CBFA2T2: variants seen among roughly 807,000 people sequenced by gnomAD.
CBFA2T2 encodes protein CBFA2T2.
A neutral mutation model predicts 62.2 loss-of-function variants in CBFA2T2; 11 were observed. The observed-to-expected ratio is 0.18, with a 90% CI of 0.11 to 0.29. The LOEUF (loss-of-function observed/expected upper bound fraction) is 0.29. CBFA2T2 is among the 10% of genes least tolerant of loss of function. The pLI is 1.00. For synonymous variants in CBFA2T2, 295 were observed against 287.5 expected (o/e 1.03, Z -0.27); for missense variants, 592 against 774.1 (o/e 0.76, Z 2.79).
chr20:33,632,259 G>A (rs1178932145), intron 8 of CBFA2T2, among the ~76,000 whole-genome samples: 1 of 151,944 alleles, frequency 6.6e-6, no homozygotes, highest in East Asian at 1.9e-4. Flanking sequence ...GGCCAGGCTG[G>A]GCTCGAACTC....
intron 3 of CBFA2T2, among the ~76,000 whole-genome samples, chr20:33,613,787 G>A (rs1265951586): frequency 6.6e-6 from 1 of 152,004 alleles, no homozygotes; most frequent in African/African-American, 2.4e-5. Flanking sequence ...AAATCTTACT[G>A]GATCCAGAGT....
In CBFA2T2 at chr20:33,644,490, C is replaced by A. The variant is rs45563732; in HGVS notation, c.1632C>A (p.His544Gln). 148 of 1,613,994 alleles carry A rather than the reference C, an allele frequency of 9.2e-5. No homozygotes were observed. The highest frequency in any genetic ancestry group is 1.2e-4 in the Non-Finnish European group (141 of 1,180,036). ...CGQNLHGQSP[H>Q]GQGRPLLPVG... ...AGAACCTGCATGGCCAGAGCCCCCA[C>A]GGCCAGGGCCGGCCGCTGCTTCCTG... The change falls in exon 11 of 11, where the codon CAC (histidine) becomes CAA (glutamine). Residue 544 changes from histidine (H) to glutamine (Q), a missense_variant. Around this residue, in one of 3 missense-constraint regions of CBFA2T2, gnomAD observed 85 missense variants for 99.0 expected, o/e 0.86. Coordinates refer to ENST00000342704, the MANE Select transcript of CBFA2T2 (RefSeq NM_001032999.3).
At chr20:33,545,010 T>TAGAACAGAACAGAAC (rs199760817) in intron 1 of CBFA2T2, among the ~76,000 whole-genome samples, 22 of 114,014 alleles carry the variant, frequency 1.9e-4, no homozygotes, top group African/African-American at 6.7e-4. Context: ...TAGAATAGAA[T>TAGAACAGAACAGAAC]AGAACAGAAC....
rs2014902736 is a variant in CBFA2T2 at position 33,596,611 on chromosome 20, C to T, written c.35-10345C>T. Among the ~76,000 whole-genome samples the T allele has an allele frequency of 1.3e-5, 2 of 152,018 alleles. 1 individual carries two copies. Among genetic ancestry groups the T allele is most frequent in the South Asian group, 4.1e-4 (2 of 4,826 alleles). Reference sequence around the variant, plus strand: ...TCATGATCTCTAAGAGTGGAAATACCTGCAGATCTGTACCCACTTCCAGTA... The same window carrying T: ...TCATGATCTCTAAGAGTGGAAATACTTGCAGATCTGTACCCACTTCCAGTA... On this transcript the variant is annotated intron_variant, in intron 1 of 10. Coordinates refer to ENST00000342704, the MANE Select transcript of CBFA2T2 (RefSeq NM_001032999.3).
intron 1 of CBFA2T2, among the ~76,000 whole-genome samples, chr20:33,557,120 T>C (rs1032192362): frequency 6.9e-6 from 1 of 144,558 alleles, no homozygotes; most frequent in Non-Finnish European, 1.5e-5. Flanking sequence ...GTTCAAGGGA[T>C]TCTTCTGCCT....
chr20:33,553,228 TTA>T (rs2012788128), intron 1 of CBFA2T2, among the ~76,000 whole-genome samples: 1 of 152,136 alleles, frequency 6.6e-6, no homozygotes, highest in South Asian at 2.1e-4. Context: ...AGAGTTTAGT[TTA>T]TGTTTTTTGT....
At chr20:33,543,223 G>A (rs2012453123) in intron 1 of CBFA2T2, among the ~76,000 whole-genome samples, 1 of 151,198 alleles carries the variant, frequency 6.6e-6, no homozygotes, top group South Asian at 2.1e-4. Context: ...ATGTTGGTCA[G>A]GCTGGTCTTA....
chr20:33,562,929 C>T (rs559338881), intron 1 of CBFA2T2, among the ~76,000 whole-genome samples: 4 of 152,248 alleles, frequency 2.6e-5, no homozygotes, highest in African/African-American at 9.6e-5. Context: ...TATATGAATT[C>T]TACAGCTAGA....
intron 1 of CBFA2T2, among the ~76,000 whole-genome samples, chr20:33,493,939 A>G (rs796140615): frequency 7.3e-5 from 11 of 151,670 alleles, no homozygotes; most frequent in African/African-American, 1.7e-4. Flanking sequence ...GCTGGAGTGC[A>G]GTGGTGCGAT....
intron 1 of CBFA2T2, among the ~76,000 whole-genome samples, chr20:33,583,058 G>A (rs1281688401): frequency 4.0e-5 from 6 of 151,890 alleles, no homozygotes; most frequent in African/African-American, 1.5e-4. Context: ...ATTTTCGTGA[G>A]TATACATTAT....
intron 1 of CBFA2T2, among the ~76,000 whole-genome samples, chr20:33,591,226 A>G (rs1305834979): frequency 8.9e-5 from 13 of 146,392 alleles, no homozygotes; most frequent in African/African-American, 3.1e-4. Flanking sequence ...GCTCACACCT[A>G]TAATTCCAGT....
intron 1 of CBFA2T2, among the ~76,000 whole-genome samples, chr20:33,536,430 A>AC (rs1182872496): frequency 1.0e-4 from 12 of 115,420 alleles, no homozygotes; most frequent in Admixed American, 4.5e-4. Context: ...CGGGGGGCTG[A>AC]CCCCCCCACC....
chr20:33,622,483 T>A (rs1269578132), intron 4 of CBFA2T2, among the ~76,000 whole-genome samples: 1 of 152,186 alleles, frequency 6.6e-6, no homozygotes, highest in Non-Finnish European at 1.5e-5. Flanking sequence ...AGAGATCGAG[T>A]TCTGAGCTTT....
intron 10 of CBFA2T2, among the ~76,000 whole-genome samples, chr20:33,641,734 C>T (rs2016847536): frequency 6.6e-6 from 1 of 152,182 alleles, no homozygotes; most frequent in Non-Finnish European, 1.5e-5. Flanking sequence ...AGGTGCACAC[C>T]ACCGTGCCTG....
At chr20:33,495,990 A>C (rs959045222) in intron 1 of CBFA2T2, among the ~76,000 whole-genome samples, 4 of 152,130 alleles carry the variant, frequency 2.6e-5, no homozygotes, top group Non-Finnish European at 5.9e-5. Flanking sequence ...ATACCATCTG[A>C]CTTAGGGTCT....
chr20:33,627,375 A>G, intron 6 of CBFA2T2, among the ~76,000 whole-genome samples: 1 of 152,050 alleles, frequency 6.6e-6, no homozygotes, highest in Admixed American at 6.6e-5. Flanking sequence ...CCATCCTGGC[A>G]ACAGAGTGAG....
At chr20:33,510,746 C>G (rs772309143) in intron 1 of CBFA2T2, among the ~76,000 whole-genome samples, 3 of 152,160 alleles carry the variant, frequency 2.0e-5, no homozygotes, top group Non-Finnish European at 4.4e-5. Context: ...GTTTACACTC[C>G]CACCCACAGT....
At chr20:33,613,123 C>G (rs1601065552) in intron 3 of CBFA2T2, among the ~76,000 whole-genome samples, 1 of 152,208 alleles carries the variant, frequency 6.6e-6, no homozygotes, top group Non-Finnish European at 1.5e-5. Context: ...GAACAACTTT[C>G]ATACAAGGCA....
chr20:33,530,897 G>A (rs1046514213), intron 1 of CBFA2T2, among the ~76,000 whole-genome samples: 2 of 152,080 alleles, frequency 1.3e-5, no homozygotes, highest in Admixed American at 6.5e-5. Flanking sequence ...CTTCACCTAC[G>A]TAGTGAAACC....
Sources: allele counts gnomAD v4.1 joint callset (sites outside exome capture counted in the v4.1 genomes callset), GRCh38; gene constraint gnomAD v4.1.1; regional missense constraint gnomAD v4.1.1; transcripts MANE v1.5; gene names NCBI Gene and HGNC (gene_info 2026-07-23, HGNC 2026-07-21).